POMGNT1: variants seen among roughly 807,000 people sequenced by gnomAD.
POMGNT1 encodes the protein protein O-linked mannose N-acetylglucosaminyltransferase 1 (beta 1,2-).
Under a neutral mutation model 95.6 loss-of-function variants are expected in POMGNT1, and 67 were observed. The observed-to-expected ratio is 0.70, with a 90% CI of 0.58 to 0.86. The LOEUF (loss-of-function observed/expected upper bound fraction) is 0.86, where lower values mean the gene tolerates loss of function less well. POMGNT1 is among the 40% of genes least tolerant of loss of function. POMGNT1 has a pLI of 0.00. For synonymous variants in POMGNT1, 298 were observed against 317.9 expected (o/e 0.94, Z 0.66); for missense variants, 719 against 855.2 (o/e 0.84, Z 1.99).
chr1:46,203,838 C>T (rs1658626967), intron 1 of POMGNT1, among the ~76,000 whole-genome samples: 1 of 152,048 alleles, frequency 6.6e-6, no homozygotes, highest in Non-Finnish European at 1.5e-5. Flanking sequence ...GTTGATGGTC[C>T]TGAGGACTTG....
At chr1:46,208,823 T>C (rs1403840329) in intron 1 of POMGNT1, among the ~76,000 whole-genome samples, 1 of 151,900 alleles carries the variant, frequency 6.6e-6, no homozygotes, top group East Asian at 1.9e-4. Context: ...CCTGGACGAC[T>C]GTGCAAAACT....
chr1:46,212,055 C>A (rs1658913776), intron 1 of POMGNT1, among the ~76,000 whole-genome samples: 1 of 152,118 alleles, frequency 6.6e-6, no homozygotes, highest in Non-Finnish European at 1.5e-5. Context: ...AGCTACCACA[C>A]CTGGCCTCAA....
At position 46,192,525 on chromosome 1, in the gene POMGNT1, T is replaced by G; in HGVS notation, c.1277A>C (p.Asn426Thr). ...CTGGTCATTCCAGCCTACCTGGTCA[T>G]TCCAGGCAGAGATGCAGTACAGGCT... ...DDSLYCISAW[N>T]DQGYEHTAED... The change falls in exon 15 of 22, where the codon AAT becomes ACT. Residue 426 changes from asparagine (N) to threonine (T), a missense_variant. Transcript: ENST00000371984. The G allele has an allele frequency of 6.2e-7, 1 of 1,614,194 alleles. No homozygotes were observed. Among genetic ancestry groups the G allele is most frequent in the Non-Finnish European group, 8.5e-7 (1 of 1,180,028 alleles).
chr1:46,206,337 T>A (rs1658713939), intron 1 of POMGNT1, among the ~76,000 whole-genome samples: 2 of 152,128 alleles, frequency 1.3e-5, no homozygotes, highest in South Asian at 4.2e-4. Flanking sequence ...AGTAACAATA[T>A]TCTGATAGTC....
chr1:46,193,828 C>T (rs777795979), intron 10 of POMGNT1, 27 bp downstream of exon 10: 2 of 1,613,318 alleles, frequency 1.2e-6, no homozygotes, highest in Non-Finnish European at 1.7e-6. Flanking sequence ...CTGTTCAGTG[C>T]TGGGTATAGC....
Position 46,196,030 on chromosome 1 carries a change from A to G in POMGNT1, c.402T>C (p.Ile134=). The change falls in exon 5 of 22, where the codon ATT becomes ATC. Residue 134 remains isoleucine (I), a synonymous_variant. Coordinates refer to ENST00000371984, the MANE Select transcript of POMGNT1 (RefSeq NM_017739.4). The surrounding 1 kb of genome is among the most constrained non-coding windows in gnomAD (Gnocchi z 4.4). The stretch of plus-strand genomic sequence containing the variant: ...AACTCACCGTGGCCTGGTTGAGGAC[A>G]ATGACATGGATGCCCCGGCCCTGCT... ...AREQGRGIHV[I]VLNQATGHVM... 1 of 1,614,010 alleles carries G rather than the reference A, an allele frequency of 6.2e-7. No individual in the cohort carries two copies. Among genetic ancestry groups the G allele is most frequent in the Non-Finnish European group, 8.5e-7 (1 of 1,180,012 alleles).
At chr1:46,197,321 A>G in intron 2 of POMGNT1, 2 of 1,483,796 alleles carry the variant, frequency 1.3e-6, no homozygotes, top group Non-Finnish European at 1.8e-6. Context: ...GTGCTCCTGT[A>G]TTCTTCTATT....
Position 46,211,656 on chromosome 1 carries a change from G to A in POMGNT1, c.-51+8049C>T, listed in dbSNP as rs765620558. Among the ~76,000 whole-genome samples the A allele has an allele frequency of 2.6e-4, 40 of 152,246 alleles. 1 individual carries two copies. The Middle Eastern group carries it at 0.034, about 129-fold the overall frequency. ...GTACCTCATATTATAATAAAGAAAT[G>A]AAGGTTTAAAGAAATCAATTTTAAT... On this transcript the variant is annotated intron_variant, in intron 1 of 22. Coordinates refer to the POMGNT1 transcript ENST00000371992.
intron 10 of POMGNT1, 75 bp from the exon 11 acceptor site, chr1:46,193,714 CCA>C (rs1657981519): frequency 6.2e-7 from 1 of 1,607,698 alleles, no homozygotes; most frequent in South Asian, 1.1e-5. Context: ...ACAGCTGGGC[CCA>C]GAGTCCCTAT....
upstream of POMGNT1, among the ~76,000 whole-genome samples, chr1:46,199,363 T>G (rs138541815): frequency 2.6e-3 from 391 of 152,352 alleles, 3 homozygotes; most frequent in Non-Finnish European, 3.2e-3. Flanking sequence ...TGCACTCTGC[T>G]GGCAACAATA....
chr1:46,197,271 C>T, intron 2 of POMGNT1, 187 bp from the exon 3 acceptor site: 1 of 1,519,066 alleles, frequency 6.6e-7, no homozygotes, highest in Non-Finnish European at 8.8e-7. Context: ...CAGGGAACCT[C>T]CCCTGACACT....
At chr1:46,216,043 C>CTTTTTTTTTTT (rs141982741) in intron 1 of POMGNT1, among the ~76,000 whole-genome samples, 136 of 92,550 alleles carry the variant, frequency 1.5e-3, no homozygotes, top group Non-Finnish European at 1.6e-3. Context: ...TTTATTTTAT[C>CTTTTTTTTTTT]TTTTTTTTTT....
At chr1:46,213,559 T>A (rs1658970667) in intron 1 of POMGNT1, among the ~76,000 whole-genome samples, 1 of 151,654 alleles carries the variant, frequency 6.6e-6, no homozygotes, top group South Asian at 2.1e-4. Flanking sequence ...AGGGACTAAA[T>A]AAAAATACAC....
At chr1:46,198,605 G>A (rs533478139), upstream of POMGNT1, among the ~76,000 whole-genome samples, 58 of 152,300 alleles carry the variant, frequency 3.8e-4, no homozygotes, top group Non-Finnish European at 7.4e-4. Context: ...ACCGTGCTAG[G>A]CAGCTTCGCA....
At chr1:46,194,235 G>T in intron 9 of POMGNT1, 39 bp downstream of exon 9, 1 of 1,614,112 alleles carries the variant, frequency 6.2e-7, no homozygotes, top group Non-Finnish European at 8.5e-7. Context: ...GCTGAGCTGG[G>T]AAGGAGTCCA....
At chr1:46,216,065 T>G (rs1659056646) in intron 1 of POMGNT1, among the ~76,000 whole-genome samples, 2 of 146,262 alleles carry the variant, frequency 1.4e-5, no homozygotes, top group African/African-American at 5.0e-5. Flanking sequence ...TTTTTTTTTT[T>G]TGTGACGGAG....
intron 20 of POMGNT1, 98 bp from the exon 21 acceptor site, chr1:46,189,665 C>T (rs1052168666): frequency 3.4e-5 from 52 of 1,552,090 alleles, no homozygotes; most frequent in Non-Finnish European, 3.8e-5. Context: ...TCCTCAGAAA[C>T]CACCTCAATT....
intron 20 of POMGNT1, 33 bp downstream of exon 20, chr1:46,189,821 G>A (rs909632048): frequency 1.2e-6 from 2 of 1,612,936 alleles, no homozygotes; most frequent in Non-Finnish European, 1.7e-6. Context: ...TGAGGGGGAG[G>A]GGTTCTCCAG....
chr1:46,215,365 G>T (rs889510840), intron 1 of POMGNT1, among the ~76,000 whole-genome samples: 6 of 152,016 alleles, frequency 3.9e-5, no homozygotes, highest in South Asian at 2.1e-4. Context: ...AATCATCAAA[G>T]AAATAATTTT....
Sources: gnomAD v4.1 joint callset for allele counts (sites outside exome capture counted in the v4.1 genomes callset) on GRCh38, gnomAD v4.1.1 for gene constraint, Gnocchi (gnomAD v3.1) non-coding constraint, MANE v1.5 for transcripts, NCBI Gene and HGNC (gene_info 2026-07-23, HGNC 2026-07-21) for gene names.